Variants in OR5M9 observed in about 807,000 individuals in gnomAD.
The protein encoded by OR5M9 is olfactory receptor family 5 subfamily M member 9.
For synonymous variants in OR5M9, 174 were observed against 145.0 expected, an observed-to-expected ratio of 1.20 and a Z score of -1.44; for missense variants, 464 against 383.6, an observed-to-expected ratio of 1.21 and a Z score of -1.75.
chr11:56,463,060 A>G lies in OR5M9; in HGVS notation c.342T>C (p.Ala114=). The stretch of plus-strand genomic sequence containing the variant: ...CCATGTACCTGTCAAAGGCCATCAC[A>G]GCCAGGATATAGACCTCCACGTGGA... The part of the protein sequence containing the change: ...AVVHVEVYIL[A]VMAFDRYMAG... Residue 114 remains alanine, a synonymous_variant, in exon 1 of 1, where the codon GCT becomes GCC. Transcript: ENST00000279791. 1 of 1,614,090 alleles carries G rather than the reference A, an allele frequency of 6.2e-7. No homozygotes were observed. The highest frequency in any genetic ancestry group is 8.5e-7 in the Non-Finnish European group (1 of 1,179,986).
At position 56,463,028 on chromosome 11, in the gene OR5M9, C is replaced by T; in HGVS notation, c.374G>A (p.Cys125Tyr). 6.2e-7 allele frequency: 1 copy of T among 1,614,040 alleles called. No individual in the cohort carries two copies. The highest frequency in any genetic ancestry group is 1.3e-5 in the African/African-American group (1 of 75,028). Residue 125 changes from cysteine (C) to tyrosine (Y), a missense_variant, in exon 1 of 1, where the codon TGC becomes TAC. Cys to Tyr is a radical substitution (Grantham distance 194). Coordinates refer to ENST00000279791, the MANE Select transcript of OR5M9 (RefSeq NM_001004743.1). ...TTTACTGCCATAAAGCAGAGGGTTG[C>T]AGCCGGCCATGTACCTGTCAAAGGC... ...VMAFDRYMAG[C>Y]NPLLYGSKMS...
Position 56,463,339 on chromosome 11 carries a change from T to C in OR5M9, c.63A>G (p.Leu21=), listed in dbSNP as rs1853582547. The C allele has an allele frequency of 6.2e-7, 1 of 1,613,574 alleles. No individual in the cohort carries two copies. The highest frequency in any genetic ancestry group is 1.7e-5 in the Admixed American group (1 of 59,916). The change falls in exon 1 of 1, where the codon CTA becomes CTG. Residue 21 remains leucine, a synonymous_variant. Coordinates refer to ENST00000279791, the MANE Select transcript of OR5M9 (RefSeq NM_001004743.1). ...TLLGLTCRQE[L]QVLFFVVFLA... is the part of the protein sequence containing the mutation. ...GGAACACCACAAAAAAGAGAACCTG[T>C]AGCTCCTGACGACAGGTCAGCCCCA...
Position 56,462,515 on chromosome 11 carries a change from T to C in OR5M9, c.887A>G (p.Lys296Arg). The change falls in exon 1 of 1, where the codon AAA (lysine) becomes AGA (arginine). Residue 296 changes from lysine (K) to arginine (R), a missense_variant. Lys to Arg is a conservative substitution (Grantham distance 26). Transcript: ENST00000279791. ...GGTGATTGCTTTGTTGACTGCTTCT[T>C]TTACATCCTTATTTCTCAGACTGTA... ...MIYSLRNKDV[K>R]EAVNKAITKT... 5.0e-6 allele frequency: 8 copies of C among 1,613,768 alleles called. No homozygotes were observed. The highest frequency in any genetic ancestry group is 1.7e-4 in the Middle Eastern group (1 of 6,048).
chr11:56,463,254 T>C lies in OR5M9; in HGVS notation c.148A>G (p.Ser50Gly), dbSNP rs745420548. 1.3e-5 allele frequency: 21 copies of C among 1,613,842 alleles called. No homozygotes were observed. The South Asian group carries it at 2.2e-4, about 17-fold the overall frequency. The change falls in exon 1 of 1, where the codon AGT becomes GGT. Residue 50 changes from serine to glycine, a missense_variant. By Grantham distance (56) the Ser-to-Gly change is moderately conservative. Coordinates refer to ENST00000279791, the MANE Select transcript of OR5M9 (RefSeq NM_001004743.1). ...TACATGGGACTCTGAAGCTGAGGACTGATGCTAATCAAAATGATCATACCA... is the reference window on the plus strand; with the variant it reads ...TACATGGGACTCTGAAGCTGAGGACCGATGCTAATCAAAATGATCATACCA... ...NIGMIILISI[S>G]PQLQSPMYFF...
In OR5M9 at chr11:56,463,193, C is replaced by G. The variant is rs200913105; in HGVS notation, c.209G>C (p.Cys70Ser). The change falls in exon 1 of 1, where the codon TGC becomes TCC. Residue 70 changes from cysteine (C) to serine (S), a missense_variant. Coordinates refer to ENST00000279791, the MANE Select transcript of OR5M9 (RefSeq NM_001004743.1). Reference sequence around the variant, plus strand: ...TTTGGGGGTAACGTTGGAGGAGAAGCACACGTCCGCAAAAGACAGATGACT... The same window carrying G: ...TTTGGGGGTAACGTTGGAGGAGAAGGACACGTCCGCAAAAGACAGATGACT... ...FLSHLSFADV[C>S]FSSNVTPKML... is the part of the protein sequence containing the mutation. 1 of 1,613,764 alleles carries G rather than the reference C, an allele frequency of 6.2e-7. No individual in the cohort carries two copies. Among genetic ancestry groups the G allele is most frequent in the Non-Finnish European group, 8.5e-7 (1 of 1,179,900 alleles).
In OR5M9 at chr11:56,463,276, A is replaced by G; in HGVS notation, c.126T>C (p.Gly42=). Residue 42 remains glycine (G), a synonymous_variant, in exon 1 of 1, where the codon GGT becomes GGC. Coordinates refer to ENST00000279791, the MANE Select transcript of OR5M9 (RefSeq NM_001004743.1). ...VYMITLLGNI[G]MIILISISPQ... ...GACTGATGCTAATCAAAATGATCAT[A>G]CCAATATTTCCCAACAGAGTGATCA... 3 of 1,613,704 alleles carry G rather than the reference A, an allele frequency of 1.9e-6. No homozygotes were observed. Among genetic ancestry groups the G allele is most frequent in the Non-Finnish European group, 2.5e-6 (3 of 1,179,718 alleles).
chr11:56,462,690 T>C lies in OR5M9; in HGVS notation c.712A>G (p.Thr238Ala). ...ACAGCCGTCAAGTGGGACCCACAGG[T>C]GGAGAACGCCTTCCTCCTGCCATCG... ...SADGRRKAFS[T>A]CGSHLTAVSM... Residue 238 changes from threonine to alanine, a missense_variant, in exon 1 of 1, where the codon ACC (threonine) becomes GCC (alanine). Physicochemically the swap from Thr to Ala is moderately conservative, Grantham distance 58 (BLOSUM62 0). Coordinates refer to ENST00000279791, the MANE Select transcript of OR5M9 (RefSeq NM_001004743.1). 2 of 1,613,092 alleles carry C rather than the reference T, an allele frequency of 1.2e-6. No homozygotes were observed. Among genetic ancestry groups the C allele is most frequent in the Non-Finnish European group, 8.5e-7 (1 of 1,179,608 alleles).
At position 56,463,099 on chromosome 11, in the gene OR5M9, A is replaced by G. The variant is rs759213369; in HGVS notation, c.303T>C (p.Phe101=). ...SYVGCLVQCY[F]FIAVVHVEVY... ...CCTCCACGTGGACAACGGCAATGAA[A>G]AAGTAGCACTGCACCAAGCATCCCA... is the stretch of plus-strand genomic sequence containing the variant. Residue 101 remains phenylalanine (F), a synonymous_variant, in exon 1 of 1, where the codon TTT becomes TTC. Coordinates refer to ENST00000279791, the MANE Select transcript of OR5M9 (RefSeq NM_001004743.1). 13 of 1,613,984 alleles carry G rather than the reference A, an allele frequency of 8.1e-6. No homozygotes were observed. In the Admixed American group the frequency reaches 1.8e-4, roughly 23 times the overall value.
At position 56,462,477 on chromosome 11, in the gene OR5M9, T is replaced by C. The variant is rs1204858236; in HGVS notation, c.925A>G (p.Arg309Gly). 2 of 1,603,262 alleles carry C rather than the reference T, an allele frequency of 1.2e-6. No individual in the cohort carries two copies. Among genetic ancestry groups the C allele is most frequent in the African/African-American group, 2.7e-5 (2 of 74,734 alleles). Residue 309 changes from arginine to glycine, a missense_variant, in exon 1 of 1, where the codon AGG (arginine) becomes GGG (glycine). Coordinates refer to ENST00000279791, the MANE Select transcript of OR5M9 (RefSeq NM_001004743.1). ...VNKAITKTYV[R>G]Q ...CAATATCCACTACAGTTTTACTGCC[T>C]CACATATGTCTTGGTGATTGCTTTG...
Position 56,463,264 on chromosome 11 carries a change from C to T in OR5M9, c.138G>A (p.Leu46=). Reference sequence around the variant, plus strand: ...TCTGAAGCTGAGGACTGATGCTAATCAAAATGATCATACCAATATTTCCCA... The same window carrying T: ...TCTGAAGCTGAGGACTGATGCTAATTAAAATGATCATACCAATATTTCCCA... The part of the protein sequence containing the change: ...TLLGNIGMII[L]ISISPQLQSP... Residue 46 remains leucine (L), a synonymous_variant, in exon 1 of 1, where the codon TTG becomes TTA. Transcript: ENST00000279791. 6.2e-7 allele frequency: 1 copy of T among 1,613,828 alleles called. No individual in the cohort carries two copies. The highest frequency in any genetic ancestry group is 8.5e-7 in the Non-Finnish European group (1 of 1,179,880).
Position 56,462,825 on chromosome 11 carries a change from T to C in OR5M9, c.577A>G (p.Lys193Glu), listed in dbSNP as rs528280222. ...GCAATAACAATCATTGTGATTTCTT[T>C]GATGTGCACTCTCCCACAGGCAATC... ...IQIACGRVHI[K>E]EITMIVIAGI... Residue 193 changes from lysine (K) to glutamate (E), a missense_variant, in exon 1 of 1, where the codon AAA (lysine) becomes GAA (glutamate). Physicochemically the swap from Lys to Glu is moderately conservative, Grantham distance 56. Coordinates refer to ENST00000279791, the MANE Select transcript of OR5M9 (RefSeq NM_001004743.1). 3 of 1,613,780 alleles carry C rather than the reference T, an allele frequency of 1.9e-6. No homozygotes were observed. The highest frequency in any genetic ancestry group is 2.2e-5 in the South Asian group (2 of 91,086).
Position 56,462,549 on chromosome 11 carries a change from G to A in OR5M9, c.853C>T (p.Pro285Ser). 1.2e-6 allele frequency: 2 copies of A among 1,613,560 alleles called. No individual in the cohort carries two copies. Among genetic ancestry groups the A allele is most frequent in the East Asian group, 2.2e-5 (1 of 44,854 alleles). The stretch of plus-strand genomic sequence containing the variant: ...TTATTTCTCAGACTGTAGATCATGG[G>A]ATTCAACATAGGAATTACTGTGGTG... ...FYTTVIPMLN[P>S]MIYSLRNKDV... Residue 285 changes from proline (P) to serine (S), a missense_variant, in exon 1 of 1, where the codon CCC becomes TCC. Coordinates refer to ENST00000279791, the MANE Select transcript of OR5M9 (RefSeq NM_001004743.1).
In OR5M9 at chr11:56,462,623, C is replaced by A. The variant is rs758257323; in HGVS notation, c.779G>T (p.Arg260Ile). 1 of 1,613,796 alleles carries A rather than the reference C, an allele frequency of 6.2e-7. No individual in the cohort carries two copies. Among genetic ancestry groups the A allele is most frequent in the African/African-American group, 1.3e-5 (1 of 74,894 alleles). ...CTGCTCTACGGATTCCTCAGTGGGTCTCCTGAGATACATGAAGATGGGGGT... is the reference window on the plus strand; with the variant it reads ...CTGCTCTACGGATTCCTCAGTGGGTATCCTGAGATACATGAAGATGGGGGT... ...YGTPIFMYLR[R>I]PTEESVEQGK... is the part of the protein sequence containing the mutation. Residue 260 changes from arginine to isoleucine, a missense_variant, in exon 1 of 1, where the codon AGA (arginine) becomes ATA (isoleucine). By Grantham distance (97) the Arg-to-Ile change is moderately conservative. Transcript: ENST00000279791.
chr11:56,462,769 C>T lies in OR5M9; in HGVS notation c.633G>A (p.Val211=), dbSNP rs117658855. 27,974 of 1,612,736 alleles carry T rather than the reference C, an allele frequency of 0.017. 328 individuals carry two copies. Among genetic ancestry groups the T allele is most frequent in the Middle Eastern group, 0.02 (123 of 6,060 alleles). The change falls in exon 1 of 1, where the codon GTG becomes GTA. Residue 211 remains valine, a synonymous_variant. Coordinates refer to ENST00000279791, the MANE Select transcript of OR5M9 (RefSeq NM_001004743.1). ...AGINFTYSLS[V]VLISYTLIVV... ...CAATGAGAGTGTAGGAGATGAGGAC[C>T]ACCGAGAGGGAATATGTGAAGTTAA...
chr11:56,462,933 A>T lies in OR5M9; in HGVS notation c.469T>A (p.Cys157Ser), dbSNP rs1345799503. Residue 157 changes from cysteine (C) to serine (S), a missense_variant, in exon 1 of 1, where the codon TGC becomes AGC. Physicochemically the swap from Cys to Ser is moderately radical, Grantham distance 112 (BLOSUM62 -1). Coordinates refer to ENST00000279791, the MANE Select transcript of OR5M9 (RefSeq NM_001004743.1). ...YVYGFSVSLI[C>S]TLWTYGLYFC... The stretch of plus-strand genomic sequence containing the variant: ...TATAAGCCATAAGTCCATAGTGTGC[A>T]TATTAGGCTGACAGAGAATCCATAG... 6.2e-7 allele frequency: 1 copy of T among 1,614,040 alleles called. No homozygotes were observed. The highest frequency in any genetic ancestry group is 1.1e-5 in the South Asian group (1 of 91,086).
rs757014468 is a variant in OR5M9, at chr11:56,462,653, T to A, written c.749A>T (p.Tyr250Phe). ...GSHLTAVSMFYGTPIFMYLRR... is the reference protein window; with the variant it reads ...GSHLTAVSMFFGTPIFMYLRR... ...GAGATACATGAAGATGGGGGTCCCA[T>A]AAAACATAGAAACAGCCGTCAAGTG... The change falls in exon 1 of 1, where the codon TAT becomes TTT. Residue 250 changes from tyrosine (Y) to phenylalanine (F), a missense_variant. By Grantham distance (22) the Tyr-to-Phe change is conservative. Coordinates refer to ENST00000279791, the MANE Select transcript of OR5M9 (RefSeq NM_001004743.1). 2.5e-5 allele frequency: 40 copies of A among 1,613,600 alleles called. No homozygotes were observed. Among genetic ancestry groups the A allele is most frequent in the Non-Finnish European group, 3.1e-5 (36 of 1,179,886 alleles).
At position 56,463,097 on chromosome 11, in the gene OR5M9, A is replaced by C; in HGVS notation, c.305T>G (p.Phe102Cys). The change falls in exon 1 of 1, where the codon TTC becomes TGC. Residue 102 changes from phenylalanine to cysteine, a missense_variant. Coordinates refer to ENST00000279791, the MANE Select transcript of OR5M9 (RefSeq NM_001004743.1). ...YVGCLVQCYF[F>C]IAVVHVEVYI... The stretch of plus-strand genomic sequence containing the variant: ...GACCTCCACGTGGACAACGGCAATG[A>C]AAAAGTAGCACTGCACCAAGCATCC... 6.2e-7 allele frequency: 1 copy of C among 1,614,084 alleles called. No homozygotes were observed. Among genetic ancestry groups the C allele is most frequent in the Non-Finnish European group, 8.5e-7 (1 of 1,179,984 alleles).
At position 56,462,870 on chromosome 11, in the gene OR5M9, C is replaced by A; in HGVS notation, c.532G>T (p.Ala178Ser). ...GNFEINHFYCADPPLIQIACG... is the reference protein window; with the variant it reads ...GNFEINHFYCSDPPLIQIACG... ...GCAATCTGGATGAGAGGGGGATCTG[C>A]ACAATAGAAGTGATTGATTTCAAAG... is the stretch of plus-strand genomic sequence containing the variant. The change falls in exon 1 of 1, where the codon GCA (alanine) becomes TCA (serine). Residue 178 changes from alanine (A) to serine (S), a missense_variant. By Grantham distance (99) the Ala-to-Ser change is moderately conservative (BLOSUM62 1). Transcript: ENST00000279791. 1 of 1,613,922 alleles carries A rather than the reference C, an allele frequency of 6.2e-7. No individual in the cohort carries two copies. Among genetic ancestry groups the A allele is most frequent in the Non-Finnish European group, 8.5e-7 (1 of 1,179,954 alleles).
At position 56,462,862 on chromosome 11, in the gene OR5M9, G is replaced by T; in HGVS notation, c.540C>A (p.Pro180=). Residue 180 remains proline (P), a synonymous_variant, in exon 1 of 1, where the codon CCC becomes CCA. Coordinates refer to ENST00000279791, the MANE Select transcript of OR5M9 (RefSeq NM_001004743.1). The part of the protein sequence containing the change: ...FEINHFYCAD[P]PLIQIACGRV... ...TCCCACAGGCAATCTGGATGAGAGG[G>T]GGATCTGCACAATAGAAGTGATTGA... 1 of 1,613,978 alleles carries T rather than the reference G, an allele frequency of 6.2e-7. No homozygotes were observed. The highest frequency in any genetic ancestry group is 8.5e-7 in the Non-Finnish European group (1 of 1,179,960).
Sources: allele counts gnomAD v4.1 joint callset, GRCh38; gene constraint gnomAD v4.1.1; transcripts MANE v1.5; gene names NCBI Gene and HGNC (gene_info 2026-07-23, HGNC 2026-07-21).